PPARGC1B: variants seen among roughly 807,000 people sequenced by gnomAD.
PPARGC1B encodes the protein PPARG coactivator 1 beta.
In PPARGC1B, 34 loss-of-function variants were observed where a neutral mutation model predicts 101.6. That is an observed-to-expected ratio of 0.33 (90% CI 0.25 to 0.45). PPARGC1B has a LOEUF of 0.45. Ranked by LOEUF, PPARGC1B falls within the 20% of genes least tolerant of loss-of-function variation. The pLI is 1.00. For synonymous variants in PPARGC1B, 548 were observed against 539.3 expected (o/e 1.02, Z -0.22); for missense variants, 1,234 against 1,317.6 (o/e 0.94, Z 0.98).
intron 1 of PPARGC1B, among the ~76,000 whole-genome samples, chr5:149,731,301 C>T (rs551073723): frequency 6.6e-6 from 1 of 152,216 alleles, no homozygotes; most frequent in East Asian, 1.9e-4. Context: ...CTGGGACAAG[C>T]AGCCACCAAA....
chr5:149,808,815 C>T (rs949177861), intron 1 of PPARGC1B, among the ~76,000 whole-genome samples: 5 of 152,178 alleles, frequency 3.3e-5, no homozygotes, highest in African/African-American at 1.2e-4. Context: ...CAGTGGGCAA[C>T]AAGGCAAACC....
At chr5:149,825,932 T>G (rs1581100216) in intron 2 of PPARGC1B, among the ~76,000 whole-genome samples, 1 of 152,224 alleles carries the variant, frequency 6.6e-6, no homozygotes, top group African/African-American at 2.4e-5. Flanking sequence ...GTGCTTTTAT[T>G]TTGTGCCAGG....
chr5:149,811,692 C>G (rs1455914157), intron 1 of PPARGC1B, among the ~76,000 whole-genome samples: 2 of 152,296 alleles, frequency 1.3e-5, no homozygotes, highest in Non-Finnish European at 2.9e-5. Flanking sequence ...TACCAAAGGC[C>G]TGAGATGGCC....
At chr5:149,731,235 C>T (rs1754453207) in intron 1 of PPARGC1B, among the ~76,000 whole-genome samples, 1 of 152,164 alleles carries the variant, frequency 6.6e-6, no homozygotes. Context: ...CTCTGGTGTG[C>T]CGGGGCGCGG....
chr5:149,855,539 C>A (rs1010941571), downstream of PPARGC1B, among the ~76,000 whole-genome samples: 1 of 152,144 alleles, frequency 6.6e-6, no homozygotes, highest in Non-Finnish European at 1.5e-5. Context: ...TTTGTAATTA[C>A]AAAATGGTTT....
At position 149,850,500 on chromosome 5, in the gene PPARGC1B, C is replaced by T. The variant is rs1327325981; in HGVS notation, c.*2942C>T. Reference sequence around the variant, plus strand: ...TCCCGTACATAAAATGCTACAAGTTCTAAAATTTACCGACCCTGCAGACAA... The same window carrying T: ...TCCCGTACATAAAATGCTACAAGTTTTAAAATTTACCGACCCTGCAGACAA... On this transcript the variant is annotated 3_prime_UTR_variant, in exon 12 of 12. Coordinates refer to ENST00000309241, the MANE Select transcript of PPARGC1B (RefSeq NM_133263.4). 1 of 152,176 alleles carries T rather than the reference C, an allele frequency of 6.6e-6. No homozygotes were observed. The highest frequency in any genetic ancestry group is 1.5e-5 in the Non-Finnish European group (1 of 68,034). The allele number at this position is 152,176 out of a possible 1,614,324, so 9.4% of individuals were successfully genotyped here. A position where few individuals can be genotyped will look rare whatever the true frequency, so the allele number is the denominator to read the frequency against.
chr5:149,820,664 T>C, intron 2 of PPARGC1B, 58 bp downstream of exon 2: 1 of 1,532,590 alleles, frequency 6.5e-7, no homozygotes, highest in Non-Finnish European at 8.9e-7. Flanking sequence ...CTCCTCAAAA[T>C]CCCGGCTCTG....
chr5:149,791,076 G>T (rs1756997518), intron 1 of PPARGC1B, among the ~76,000 whole-genome samples: 1 of 151,912 alleles, frequency 6.6e-6, no homozygotes, highest in Non-Finnish European at 1.5e-5. Flanking sequence ...ATCACTTGAG[G>T]TCAGGAGTTC....
chr5:149,828,545 G>A (rs1014678992), intron 3 of PPARGC1B, among the ~76,000 whole-genome samples: 2 of 152,244 alleles, frequency 1.3e-5, no homozygotes, highest in Non-Finnish European at 2.9e-5. Flanking sequence ...GCATTCTAGT[G>A]CCATTTCTTC....
intron 8 of PPARGC1B, among the ~76,000 whole-genome samples, chr5:149,839,563 G>A (rs1270475024): frequency 6.6e-6 from 1 of 152,210 alleles, no homozygotes; most frequent in African/African-American, 2.4e-5. Flanking sequence ...AAAGGGAACA[G>A]TGGTTCTGGA....
chr5:149,791,029 C>T (rs186658756), intron 1 of PPARGC1B, among the ~76,000 whole-genome samples: 180 of 152,180 alleles, frequency 1.2e-3, no homozygotes, highest in African/African-American at 4.2e-3. Context: ...TGGTTCACTC[C>T]TGTAATCCCA....
chr5:149,833,622 G>T lies in PPARGC1B; in HGVS notation c.1549G>T (p.Asp517Tyr). 2 of 1,609,316 alleles carry T rather than the reference G, an allele frequency of 1.2e-6. No individual in the cohort carries two copies. The highest frequency in any genetic ancestry group is 1.7e-6 in the Non-Finnish European group (2 of 1,178,134). Reference sequence around the variant, plus strand: ...ACTGTGCCTGGCTCCCAAGGCCTACGACGTAGAGCGGGAGCTGGGCAGCCC... The same window carrying T: ...ACTGTGCCTGGCTCCCAAGGCCTACTACGTAGAGCGGGAGCTGGGCAGCCC... The part of the protein sequence containing the change: ...PSLCLAPKAY[D>Y]VERELGSPTD... The change falls in exon 5 of 12, where the codon GAC becomes TAC. Residue 517 changes from aspartate to tyrosine, a missense_variant. Physicochemically the swap from Asp to Tyr is radical, Grantham distance 160. Coordinates refer to ENST00000309241, the MANE Select transcript of PPARGC1B (RefSeq NM_133263.4). The surrounding 1 kb of genome is among the most constrained non-coding windows in gnomAD (Gnocchi z 4.1).
At chr5:149,754,114 G>A (rs145293678) in intron 1 of PPARGC1B, among the ~76,000 whole-genome samples, 1 of 152,236 alleles carries the variant, frequency 6.6e-6, no homozygotes, top group Non-Finnish European at 1.5e-5. Flanking sequence ...CACCCACACA[G>A]CATGTTATTA....
intron 1 of PPARGC1B, among the ~76,000 whole-genome samples, chr5:149,790,070 C>T (rs1287984884): frequency 2.0e-5 from 3 of 152,190 alleles, no homozygotes; most frequent in Non-Finnish European, 4.4e-5. Context: ...CTCTCTGAAC[C>T]TTAGTTTCCT....
intron 1 of PPARGC1B, among the ~76,000 whole-genome samples, chr5:149,796,595 G>C (rs545735330): frequency 2.7e-4 from 41 of 152,282 alleles, no homozygotes; most frequent in African/African-American, 9.4e-4. Context: ...GGCCAGCTGG[G>C]CATCTGCTGG....
intron 1 of PPARGC1B, among the ~76,000 whole-genome samples, chr5:149,812,130 A>G (rs1757887955): frequency 1.3e-5 from 2 of 152,252 alleles, no homozygotes; most frequent in South Asian, 4.1e-4. Flanking sequence ...GCTTCCGCAC[A>G]GAAAGGGCCT....
chr5:149,824,264 C>T (rs62382343), intron 2 of PPARGC1B, among the ~76,000 whole-genome samples: 6 of 152,042 alleles, frequency 3.9e-5, no homozygotes, highest in Non-Finnish European at 7.4e-5. Context: ...AGTGAGAATT[C>T]TCAGTTCGTG....
At chr5:149,735,053 A>C (rs1310456703) in intron 1 of PPARGC1B, among the ~76,000 whole-genome samples, 4 of 152,220 alleles carry the variant, frequency 2.6e-5, no homozygotes, top group African/African-American at 9.7e-5. Flanking sequence ...ATCAGTTTGT[A>C]GATTTGGACA....
intron 2 of PPARGC1B, among the ~76,000 whole-genome samples, chr5:149,825,120 C>T (rs1443078862): frequency 2.0e-5 from 3 of 152,234 alleles, no homozygotes; most frequent in Non-Finnish European, 4.4e-5. Flanking sequence ...CTAAATGAGG[C>T]GCTCGGTGCC....
Sources: allele counts gnomAD v4.1 joint callset (sites outside exome capture counted in the v4.1 genomes callset), GRCh38; gene constraint gnomAD v4.1.1; non-coding constraint Gnocchi (gnomAD v3.1); transcripts MANE v1.5; gene names NCBI Gene and HGNC (gene_info 2026-07-23, HGNC 2026-07-21).